Variants in INPP4B observed in about 807,000 individuals in gnomAD.
INPP4B encodes inositol polyphosphate-4-phosphatase type II B.
A neutral mutation model predicts 122.5 loss-of-function variants in INPP4B; 55 were observed. The observed-to-expected ratio is 0.45, with a 90% confidence interval of 0.36 to 0.56. The LOEUF (loss-of-function observed/expected upper bound fraction) is 0.56, where lower values mean the gene tolerates loss of function less well. Ranked by LOEUF, INPP4B falls within the 20% of genes least tolerant of loss-of-function variation. The pLI is 0.00. For missense variants in INPP4B, 1,000 were observed against 1,097.7 expected (o/e 0.91, Z 1.26); for synonymous variants, 403 against 388.7 (o/e 1.04, Z -0.43).
At chr4:142,749,371 C>A (rs1373972654) in intron 1 of INPP4B, among the ~76,000 whole-genome samples, 1 of 148,194 alleles carries the variant, frequency 6.7e-6, no homozygotes, top group Non-Finnish European at 1.5e-5. Flanking sequence ...CTTTAAAAAA[C>A]AAAGTTTCTA....
At chr4:142,408,419 G>GGGT (rs1398995151) in intron 5 of INPP4B, among the ~76,000 whole-genome samples, 1 of 152,074 alleles carries the variant, frequency 6.6e-6, no homozygotes, top group Non-Finnish European at 1.5e-5. Flanking sequence ...TGGGCGTGGT[G>GGGT]GCACACTCCT....
At chr4:142,568,165 T>C (rs1043631389) in intron 2 of INPP4B, among the ~76,000 whole-genome samples, 2 of 137,350 alleles carry the variant, frequency 1.5e-5, no homozygotes, top group East Asian at 2.1e-4. Flanking sequence ...TTTTTTTTTT[T>C]CCACTTGCTG....
chr4:142,336,071 C>T (rs1776464590), intron 7 of INPP4B, among the ~76,000 whole-genome samples: 1 of 152,186 alleles, frequency 6.6e-6, no homozygotes, highest in Non-Finnish European at 1.5e-5. Flanking sequence ...CTCAGCTACC[C>T]ATTGGACTAT....
chr4:142,159,757 A>G (rs972753691), intron 17 of INPP4B, among the ~76,000 whole-genome samples: 4 of 151,894 alleles, frequency 2.6e-5, no homozygotes, highest in African/African-American at 7.3e-5. Context: ...ATTCGGCCCA[A>G]CTAGAATTTC....
At chr4:142,111,985 C>G (rs1790394860) in intron 22 of INPP4B, among the ~76,000 whole-genome samples, 1 of 152,038 alleles carries the variant, frequency 6.6e-6, no homozygotes, top group African/African-American at 2.4e-5. Flanking sequence ...CTCAGGTGAT[C>G]CACCCTCCTC....
chr4:142,315,275 C>T (rs759964766), intron 7 of INPP4B, among the ~76,000 whole-genome samples: 14 of 152,130 alleles, frequency 9.2e-5, no homozygotes, highest in Non-Finnish European at 1.3e-4. Flanking sequence ...TCTGAATGAG[C>T]GCCCACACTC....
At chr4:142,109,811 C>A (rs1411754700) in intron 22 of INPP4B, among the ~76,000 whole-genome samples, 3 of 152,112 alleles carry the variant, frequency 2.0e-5, no homozygotes, top group Admixed American at 6.6e-5. Context: ...CTGGATTACA[C>A]CTTCTTTCAG....
intron 1 of INPP4B, among the ~76,000 whole-genome samples, chr4:142,730,526 T>G (rs1351733655): frequency 6.6e-6 from 1 of 152,186 alleles, no homozygotes; most frequent in Admixed American, 6.5e-5. Context: ...TGTGGTTCAG[T>G]TCTTACTTCT....
At chr4:142,117,619 A>C (rs934008589) in intron 21 of INPP4B, among the ~76,000 whole-genome samples, 1 of 152,200 alleles carries the variant, frequency 6.6e-6, no homozygotes, top group African/African-American at 2.4e-5. Flanking sequence ...ACAGCCTTTC[A>C]TGATAAAAAC....
chr4:142,840,602 G>A (rs185735101), intron 1 of INPP4B, among the ~76,000 whole-genome samples: 1 of 152,144 alleles, frequency 6.6e-6, no homozygotes, highest in Admixed American at 6.5e-5. Context: ...TTAGGTGCCT[G>A]TTGACTTTAA....
In INPP4B at chr4:142,208,479, C is replaced by A. The variant is rs376658791; in HGVS notation, c.1018G>T (p.Val340Phe). 1 of 1,601,876 alleles carries A rather than the reference C, an allele frequency of 6.2e-7. No individual in the cohort carries two copies. Among genetic ancestry groups the A allele is most frequent in the Non-Finnish European group, 8.5e-7 (1 of 1,173,902 alleles). The change falls in exon 14 of 26, where the codon GTT becomes TTT. Residue 340 changes from valine to phenylalanine, a missense_variant. Transcript: ENST00000262992. ...SSKGEKTLEF[V>F]PINLHLQRMQ... is the part of the protein sequence containing the mutation. Reference sequence around the variant, plus strand: ...CTTTGCAGATGTAGATTTATTGGAACAAATTCTAATGTTTTCTCTCCTTTG... The same window carrying A: ...CTTTGCAGATGTAGATTTATTGGAAAAAATTCTAATGTTTTCTCTCCTTTG...
intron 15 of INPP4B, among the ~76,000 whole-genome samples, chr4:142,188,304 G>T (rs1003718722): frequency 1.3e-5 from 2 of 151,248 alleles, no homozygotes; most frequent in Admixed American, 6.6e-5. Flanking sequence ...TGGCTAACAC[G>T]GTGAAACCCT....
chr4:142,437,591 T>C (rs1043312643), intron 3 of INPP4B, among the ~76,000 whole-genome samples: 1 of 152,088 alleles, frequency 6.6e-6, no homozygotes, highest in African/African-American at 2.4e-5. Context: ...CAGAAGAGAC[T>C]GGGGGCCAAT....
At chr4:142,325,158 G>A (rs1218223957) in intron 7 of INPP4B, among the ~76,000 whole-genome samples, 2 of 152,118 alleles carry the variant, frequency 1.3e-5, no homozygotes, top group East Asian at 3.9e-4. Flanking sequence ...TCTTTTCTAG[G>A]TGTTGCCAGA....
intron 9 of INPP4B, among the ~76,000 whole-genome samples, chr4:142,298,294 GA>G (rs1208133394): frequency 6.6e-6 from 1 of 152,106 alleles, no homozygotes; most frequent in Non-Finnish European, 1.5e-5. Context: ...AGACCTGTCT[GA>G]AAACGGGAGG....
chr4:142,615,286 G>T (rs902743660), intron 2 of INPP4B, among the ~76,000 whole-genome samples: 7 of 152,204 alleles, frequency 4.6e-5, no homozygotes, highest in East Asian at 3.9e-4. Flanking sequence ...ATACATTTTA[G>T]AAAGGAAGGA....
chr4:142,598,302 T>A lies in INPP4B; in HGVS notation c.-191+127537A>T, dbSNP rs192276790. 2.0e-5 allele frequency among the ~76,000 whole-genome samples: 3 copies of A among 152,218 alleles called. No homozygotes were observed. The East Asian group carries it at 5.8e-4, about 29-fold the overall frequency. On this transcript the variant is annotated intron_variant, in intron 2 of 25. Coordinates refer to ENST00000262992, the MANE Select transcript of INPP4B (RefSeq NM_001101669.3). ...TTTTACTCACATAAACCCCTGACAC[T>A]ACTGTGGATGATGATTCAGAGACAC...
At chr4:142,366,576 T>C (rs1334249732) in intron 7 of INPP4B, among the ~76,000 whole-genome samples, 1 of 152,132 alleles carries the variant, frequency 6.6e-6, no homozygotes, top group Admixed American at 6.6e-5. Flanking sequence ...TCACCAATAA[T>C]CTATGTGCAG....
chr4:142,541,666 G>C (rs903543359), intron 2 of INPP4B, among the ~76,000 whole-genome samples: 65 of 152,172 alleles, frequency 4.3e-4, no homozygotes, highest in Non-Finnish European at 1.3e-4. Context: ...AGGCTTTGTT[G>C]GTAGAGAGCG....
Sources: allele counts gnomAD v4.1 joint callset (sites outside exome capture counted in the v4.1 genomes callset), GRCh38; gene constraint gnomAD v4.1.1; transcripts MANE v1.5; gene names NCBI Gene and HGNC (gene_info 2026-07-23, HGNC 2026-07-21).